Variants in ERP44 observed in about 807,000 individuals in gnomAD.
The protein encoded by ERP44 is endoplasmic reticulum resident protein 44.
Under a neutral mutation model 53.4 loss-of-function variants are expected in ERP44, and 25 were observed. The ratio of observed to expected loss-of-function variants is 0.47; its 90% CI spans 0.34 to 0.65. The LOEUF (loss-of-function observed/expected upper bound fraction) is 0.65, where lower values mean the gene tolerates loss of function less well. ERP44 is among the 30% of genes least tolerant of loss of function. The probability of loss-of-function intolerance (pLI) is 0.01; values close to 1 mark genes in which losing one functional copy is unlikely to be tolerated. For synonymous variants in ERP44, 145 were observed against 161.2 expected (o/e 0.90, Z 0.76); for missense variants, 338 against 493.2 (o/e 0.69, Z 2.98).
At chr9:100,090,217 C>A (rs1271526720) in intron 1 of ERP44, among the ~76,000 whole-genome samples, 3 of 152,222 alleles carry the variant, frequency 2.0e-5, no homozygotes, top group African/African-American at 7.2e-5. Context: ...GAGGTAAAAT[C>A]ATTACAGAAG....
intron 8 of ERP44, among the ~76,000 whole-genome samples, chr9:100,013,638 T>C (rs757478443): frequency 6.6e-6 from 1 of 152,094 alleles, no homozygotes; most frequent in Non-Finnish European, 1.5e-5. Context: ...AAAATGTAAA[T>C]AGCTGGTATC....
chr9:100,013,961 A>C (rs1388598040), intron 8 of ERP44, among the ~76,000 whole-genome samples: 3 of 152,232 alleles, frequency 2.0e-5, no homozygotes, highest in African/African-American at 7.2e-5. Context: ...TTCAGCATGA[A>C]AATGAATGAA....
intron 3 of ERP44, among the ~76,000 whole-genome samples, chr9:100,053,541 G>A (rs1201541420): frequency 1.3e-5 from 2 of 152,094 alleles, no homozygotes; most frequent in Non-Finnish European, 2.9e-5. Context: ...CTACACTATA[G>A]GGTATACAGC....
rs1830579486 is a variant in ERP44, at chr9:100,020,734, GTAAAA to G, written c.472-8_472-4del. 7.0e-7 allele frequency: 1 copy of G among 1,424,064 alleles called. No individual in the cohort carries two copies. The highest frequency in any genetic ancestry group is 9.9e-7 in the Non-Finnish European group (1 of 1,010,760). 88.2% of individuals were successfully genotyped at this position (1,424,064 alleles called of 1,614,324 possible). On this transcript the variant is annotated splice_polypyrimidine_tract_variant and splice_region_variant and intron_variant, in intron 5 of 11. Coordinates refer to ENST00000262455, the MANE Select transcript of ERP44 (RefSeq NM_015051.3). ...CCAATGATATTTCTTTTGCTGCGCTGTAAAATAAAGTATGCAATTATTTTGCAAAC... is the reference window on the plus strand; with the variant it reads ...CCAATGATATTTCTTTTGCTGCGCTGTAAAGTATGCAATTATTTTGCAAAC...
chr9:100,087,314 A>C (rs1826496112), intron 1 of ERP44, among the ~76,000 whole-genome samples: 1 of 152,228 alleles, frequency 6.6e-6, no homozygotes, highest in Non-Finnish European at 1.5e-5. Context: ...TTGTTGGCAT[A>C]ATGACAATGT....
intron 1 of ERP44, among the ~76,000 whole-genome samples, chr9:100,097,832 C>T (rs1233759274): frequency 1.3e-5 from 2 of 152,210 alleles, no homozygotes; most frequent in African/African-American, 2.4e-5. Context: ...TGTGTGACTT[C>T]ATATGCGTCA....
At chr9:100,017,098 T>C (rs1830532420) in intron 7 of ERP44, among the ~76,000 whole-genome samples, 1 of 152,230 alleles carries the variant, frequency 6.6e-6, no homozygotes, top group Non-Finnish European at 1.5e-5. Flanking sequence ...ATTTCTTTTA[T>C]TACCTACATA....
At chr9:100,049,273 G>C (rs980755163) in intron 4 of ERP44, among the ~76,000 whole-genome samples, 2 of 152,116 alleles carry the variant, frequency 1.3e-5, no homozygotes, top group African/African-American at 4.8e-5. Flanking sequence ...AGCTGGGTGT[G>C]GTGGCACATG....
intron 4 of ERP44, among the ~76,000 whole-genome samples, chr9:100,023,643 C>G (rs1830620577): frequency 6.6e-6 from 1 of 151,858 alleles, no homozygotes; most frequent in African/African-American, 2.4e-5. Context: ...GATGAGGTCT[C>G]ACTATGTTGC....
intron 10 of ERP44, among the ~76,000 whole-genome samples, chr9:99,997,650 A>T (rs1830327148): frequency 6.6e-6 from 1 of 152,194 alleles, no homozygotes; most frequent in Admixed American, 6.5e-5. Flanking sequence ...TTTAAACCGT[A>T]ATGGTTACAA....
chr9:100,066,818 C>T (rs1274845749), intron 1 of ERP44, among the ~76,000 whole-genome samples: 1 of 152,122 alleles, frequency 6.6e-6, no homozygotes, highest in East Asian at 1.9e-4. Flanking sequence ...GTTGAAATGT[C>T]CCTGGAGAAA....
chr9:100,092,476 A>G (rs1314710962), intron 1 of ERP44, among the ~76,000 whole-genome samples: 1 of 152,254 alleles, frequency 6.6e-6, no homozygotes, highest in African/African-American at 2.4e-5. Flanking sequence ...CAAGAAAAAC[A>G]AGTAATTTAA....
chr9:99,988,046 GT>G (rs994481816), intron 10 of ERP44, among the ~76,000 whole-genome samples: 1 of 152,150 alleles, frequency 6.6e-6, no homozygotes, highest in Non-Finnish European at 1.5e-5. Flanking sequence ...CTGCCAAACT[GT>G]TTTCTAGAGT....
At chr9:100,014,508 C>T (rs1175600840) in intron 8 of ERP44, among the ~76,000 whole-genome samples, 1 of 152,154 alleles carries the variant, frequency 6.6e-6, no homozygotes, top group Non-Finnish European at 1.5e-5. Flanking sequence ...AGGCTGGTCT[C>T]GAACTCCCGA....
intron 10 of ERP44, among the ~76,000 whole-genome samples, chr9:100,004,661 G>A (rs969712852): frequency 6.6e-6 from 1 of 152,174 alleles, no homozygotes; most frequent in Admixed American, 6.5e-5. Context: ...GGGGTTGGGG[G>A]AGGGGTGGTG....
chr9:100,033,141 G>A (rs1263299544), intron 4 of ERP44, among the ~76,000 whole-genome samples: 3 of 152,254 alleles, frequency 2.0e-5, no homozygotes, highest in African/African-American at 7.2e-5. Flanking sequence ...TTAACTTATG[G>A]CAATACAATT....
intron 1 of ERP44, among the ~76,000 whole-genome samples, chr9:100,089,769 ATTG>A (rs1826529451): frequency 6.6e-6 from 1 of 152,138 alleles, no homozygotes; most frequent in Admixed American, 6.5e-5. Flanking sequence ...ATTAGTTACT[ATTG>A]TTGATCTCTT....
In ERP44 at chr9:100,063,075, C is replaced by CAAAAAAAA. The variant is rs58004954; in HGVS notation, c.58-2911_58-2904dup. Among the ~76,000 whole-genome samples, 83 of 40,034 alleles carry CAAAAAAAA rather than the reference C, an allele frequency of 2.1e-3. 15 individuals are homozygous for CAAAAAAAA. The highest frequency in any genetic ancestry group is 4.4e-3 in the African/African-American group (41 of 9,256). The allele number at this position is 40,034 out of a possible 152,430, so 26.3% of individuals were successfully genotyped here. A position where few individuals can be genotyped will look rare whatever the true frequency, so the allele number is the denominator to read the frequency against. On this transcript the variant is annotated intron_variant, in intron 1 of 11. Transcript: ENST00000262455. ...GATGACAGAACAGGACCCTGTCTCA[C>CAAAAAAAA]AAAAAAAAAAAAAAAAAAGAGAGAG...
chr9:100,048,262 T>G (rs919309445), intron 4 of ERP44, among the ~76,000 whole-genome samples: 35 of 151,952 alleles, frequency 2.3e-4, no homozygotes, highest in Non-Finnish European at 5.0e-4. Context: ...CATGGCACAT[T>G]TATACATATG....
Sources: gnomAD v4.1 joint callset for allele counts (sites outside exome capture counted in the v4.1 genomes callset) on GRCh38, gnomAD v4.1.1 for gene constraint, MANE v1.5 for transcripts, NCBI Gene and HGNC (gene_info 2026-07-23, HGNC 2026-07-21) for gene names.